Variants in SREBF1 observed in about 807,000 individuals in gnomAD.
SREBF1 encodes the protein sterol regulatory element binding transcription factor 1, also known as sterol regulatory element-binding protein 1.
In SREBF1, 45 loss-of-function variants were observed where a neutral mutation model predicts 100.1. That is an observed-to-expected ratio of 0.45 (90% CI 0.35 to 0.58). SREBF1 has a LOEUF of 0.58. Ranked by LOEUF, SREBF1 falls within the 20% of genes least tolerant of loss-of-function variation. The probability of loss-of-function intolerance (pLI) is 0.00; values close to 1 mark genes in which losing one functional copy is unlikely to be tolerated. For synonymous variants in SREBF1, 657 were observed against 681.8 expected (o/e 0.96, Z 0.57); for missense variants, 1,324 against 1,539.4 (o/e 0.86, Z 2.34).
rs541501742 is a variant in SREBF1, at chr17:17,812,336, C to A, written c.*286G>T. On this transcript the variant is annotated 3_prime_UTR_variant, in exon 19 of 19. Coordinates refer to ENST00000261646, the MANE Select transcript of SREBF1 (RefSeq NM_004176.5). ...TTCCCTGTACACAGGAGGAAAAAAG[C>A]CACTAAGGTGCCTGCAGAGCAAGGA... The A allele has an allele frequency of 1.1e-5, 6 of 554,610 alleles. No individual in the cohort carries two copies. The highest frequency in any genetic ancestry group is 1.9e-5 in the Non-Finnish European group (6 of 312,188). 34.4% of individuals were successfully genotyped at this position (554,610 alleles called of 1,614,324 possible). A position where few individuals can be genotyped will look rare whatever the true frequency, so the allele number is the denominator to read the frequency against.
intron 1 of SREBF1, among the ~76,000 whole-genome samples, chr17:17,836,226 G>C (rs999230354): frequency 6.6e-6 from 1 of 152,296 alleles, no homozygotes; most frequent in Admixed American, 6.5e-5. Context: ...CAGACCGGGA[G>C]AACCCGACAC....
At chr17:17,828,628 T>C (rs1383140773) in intron 1 of SREBF1, among the ~76,000 whole-genome samples, 1 of 152,176 alleles carries the variant, frequency 6.6e-6, no homozygotes, top group East Asian at 1.9e-4. Flanking sequence ...AAAATGGCAG[T>C]GCTAAGGTTA....
chr17:17,830,011 A>C (rs1170730028), intron 1 of SREBF1, among the ~76,000 whole-genome samples: 1 of 152,232 alleles, frequency 6.6e-6, no homozygotes, highest in African/African-American at 2.4e-5. Context: ...CCACTGGCCT[A>C]GTCAGCCCCA....
chr17:17,819,746 G>A (rs2143016003), intron 2 of SREBF1, 21 bp from the exon 3 acceptor site: 12 of 1,578,686 alleles, frequency 7.6e-6, no homozygotes, highest in Non-Finnish European at 1.0e-5. Context: ...AAAGCATGGG[G>A]CTGCAGACAC....
At chr17:17,823,714 G>A in intron 1 of SREBF1, 1 of 413,798 alleles carries the variant, frequency 2.4e-6, no homozygotes. Flanking sequence ...TGCAGGTCCC[G>A]CCCCGCCCCG....
intron 1 of SREBF1, 107 bp from the exon 2 acceptor site, chr17:17,820,628 C>T: frequency 1.6e-6 from 2 of 1,260,086 alleles, no homozygotes; most frequent in South Asian, 2.5e-5. Context: ...TGTTGGCACA[C>T]AGCTGTATGT....
rs766223222 is a variant in SREBF1, at chr17:17,813,385, C to A, written c.3197G>T (p.Gly1066Val). 5.6e-6 allele frequency: 9 copies of A among 1,598,634 alleles called. No individual in the cohort carries two copies. Among genetic ancestry groups the A allele is most frequent in the Non-Finnish European group, 3.4e-6 (4 of 1,174,264 alleles). The change falls in exon 18 of 19, where the codon GGC becomes GTC. Residue 1066 changes from glycine (G) to valine (V), a missense_variant. Gly to Val is a moderately radical substitution (Grantham distance 109, BLOSUM62 -3). Transcript: ENST00000261646. ...CCCCTCACCTCCTTTGCCACCGGGG[C>A]CTGCCCGCCGCCTCAGACTGCGGTC... Reference protein sequence around the residue: ...LLDRSLRRRAGPGGKGGAVAE... With the variant: ...LLDRSLRRRAVPGGKGGAVAE...
At position 17,814,489 on chromosome 17, in the gene SREBF1, G is replaced by A. The variant is rs575287529; in HGVS notation, c.2736-79C>T. The A allele has an allele frequency of 1.9e-5, 30 of 1,539,388 alleles. No homozygotes were observed. The African/African-American group carries it at 2.9e-4, about 15-fold the overall frequency. On this transcript the variant is annotated intron_variant, in intron 15 of 18. Transcript: ENST00000261646. ...TGAGTGCCCCCCACTTCCCTGGCTCGAGTTCCCTGAGGAAAAAAGGTGGTG... is the reference window on the plus strand; with the variant it reads ...TGAGTGCCCCCCACTTCCCTGGCTCAAGTTCCCTGAGGAAAAAAGGTGGTG...
rs1043747305 is a variant in SREBF1, at chr17:17,813,460, G to A, written c.3122C>T (p.Thr1041Met). The A allele has an allele frequency of 9.4e-6, 15 of 1,602,408 alleles. No individual in the cohort carries two copies. Among genetic ancestry groups the A allele is most frequent in the East Asian group, 2.3e-5 (1 of 44,372 alleles). ...AMRRVFLHEA[T>M]ARLMAGASPT... ...GCTGGCCCCCGCCATCAGCCGGGCC[G>A]TGGCCTCATGTAGGAACACCTGGGG... The change falls in exon 18 of 19, where the codon ACG (threonine) becomes ATG (methionine). Residue 1041 changes from threonine (T) to methionine (M), a missense_variant. By Grantham distance (81) the Thr-to-Met change is moderately conservative. Coordinates refer to ENST00000261646, the MANE Select transcript of SREBF1 (RefSeq NM_004176.5).
intron 1 of SREBF1, among the ~76,000 whole-genome samples, chr17:17,829,826 G>C (rs1040925762): frequency 2.6e-5 from 4 of 152,118 alleles, no homozygotes; most frequent in African/African-American, 9.7e-5. Flanking sequence ...AATTTTTTTA[G>C]TTTGGGTCTC....
intron 2 of SREBF1, 76 bp downstream of exon 2, chr17:17,820,014 A>G: frequency 6.8e-7 from 1 of 1,472,574 alleles, no homozygotes; most frequent in Non-Finnish European, 9.1e-7. Context: ...CTCTACTCAC[A>G]TCACAGCAGA....
intron 1 of SREBF1, among the ~76,000 whole-genome samples, chr17:17,823,991 T>C (rs1181561528): frequency 6.6e-6 from 1 of 152,134 alleles, no homozygotes; most frequent in Non-Finnish European, 1.5e-5. Context: ...AGCAGAGAAG[T>C]CCTGGCCCAA....
chr17:17,818,427 G>T, intron 5 of SREBF1, 53 bp from the exon 6 acceptor site: 1 of 1,408,942 alleles, frequency 7.1e-7, no homozygotes, highest in Non-Finnish European at 1.0e-6. Flanking sequence ...CAGGTCGGGG[G>T]TTGTGGGGTT....
chr17:17,829,710 T>A (rs1008337816), intron 1 of SREBF1, among the ~76,000 whole-genome samples: 2 of 151,790 alleles, frequency 1.3e-5, no homozygotes, highest in Non-Finnish European at 2.9e-5. Flanking sequence ...AGTGGTATGA[T>A]CATGGCTCAC....
intron 1 of SREBF1, chr17:17,820,884 C>T (rs1227328744): frequency 8.4e-6 from 3 of 358,428 alleles, no homozygotes; most frequent in Non-Finnish European, 1.1e-5. Flanking sequence ...CCGGTATTTG[C>T]CCAAACATCT....
rs1351238172 is a variant in SREBF1, at chr17:17,833,467, A to ATATG, written c.91+3259_91+3260insCATA. Reference sequence around the variant, plus strand: ...AAAAAAAAAATATATATATATATATATATATATACACACACACATACAGAT... The same window carrying ATATG: ...AAAAAAAAAATATATATATATATATATATGTATATATACACACACACATACAGAT... On this transcript the variant is annotated intron_variant, in intron 1 of 18. Coordinates refer to ENST00000261646, the MANE Select transcript of SREBF1 (RefSeq NM_004176.5). Among the ~76,000 whole-genome samples the ATATG allele has an allele frequency of 1.1e-3, 135 of 125,870 alleles. 3 individuals carry two copies. The highest frequency in any genetic ancestry group is 4.2e-3 in the Middle Eastern group (1 of 240). The allele number at this position is 125,870 out of a possible 152,430, so 82.6% of individuals were successfully genotyped here.
rs1250971241 is a variant in SREBF1 at position 17,812,625 on chromosome 17, G to A, written c.3441C>T (p.Ser1147=). Residue 1147 remains serine (S), a synonymous_variant, in exon 19 of 19, where the codon AGC becomes AGT. Transcript: ENST00000261646. ...RLGGGTTVTS[S] ...GCTGAGGCCGGGGACACGGGGTCTA[G>A]CTGGAAGTGACAGTGGTCCCACCGC... 5 of 1,602,348 alleles carry A rather than the reference G, an allele frequency of 3.1e-6. No individual in the cohort carries two copies. The highest frequency in any genetic ancestry group is 3.3e-4 in the Middle Eastern group (2 of 6,052).
chr17:17,814,312 C>G lies in SREBF1; in HGVS notation c.2834G>C (p.Cys945Ser). The G allele has an allele frequency of 6.3e-7, 1 of 1,598,104 alleles. No homozygotes were observed. The highest frequency in any genetic ancestry group is 1.1e-5 in the South Asian group (1 of 88,442). ...AESGPASLTICEKASGYLQDS... is the reference protein window; with the variant it reads ...AESGPASLTISEKASGYLQDS... ...CTGCAGGTACCCACTGGCCTTCTCA[C>G]AGATGGTCAGGCTGGCTGGACCAGA... The change falls in exon 16 of 19, where the codon TGT becomes TCT. Residue 945 changes from cysteine (C) to serine (S), a missense_variant. By Grantham distance (112) the Cys-to-Ser change is moderately radical. Coordinates refer to ENST00000261646, the MANE Select transcript of SREBF1 (RefSeq NM_004176.5).
intron 5 of SREBF1, 33 bp downstream of exon 5, chr17:17,818,979 AC>A: frequency 6.2e-7 from 1 of 1,605,930 alleles, no homozygotes; most frequent in Non-Finnish European, 8.5e-7. Context: ...TCCTAGGGAC[AC>A]CCCGGTCTGT....
Sources: gnomAD v4.1 joint callset for allele counts (sites outside exome capture counted in the v4.1 genomes callset) on GRCh38, gnomAD v4.1.1 for gene constraint, MANE v1.5 for transcripts, NCBI Gene and HGNC (gene_info 2026-07-23, HGNC 2026-07-21) for gene names.